NDUFAF5: variants seen among roughly 807,000 people sequenced by gnomAD.
The protein encoded by NDUFAF5 is NADH:ubiquinone oxidoreductase complex assembly factor 5.
NDUFAF5 carries 34 observed loss-of-function variants against 48.9 expected under a neutral mutation model. That is an observed-to-expected ratio of 0.70 (90% confidence interval 0.53 to 0.93). The LOEUF is 0.93. Among genes scored for constraint, NDUFAF5 ranks in the 40% least tolerant of loss-of-function variants. The pLI is 0.00. For synonymous variants in NDUFAF5, 153 were observed against 150.6 expected, an observed-to-expected ratio of 1.02 and a Z score of -0.12; for missense variants, 428 against 427.5, an observed-to-expected ratio of 1.00 and a Z score of -0.01.
rs922084229 is a variant in NDUFAF5, at chr20:13,809,032, G to A, written c.778+130G>A. ...GGCAGGCACTGGGCAAAGCACTAGG[G>A]ATCCATTGTTGAGGAGAAAGCAGAC... is the stretch of plus-strand genomic sequence containing the variant. On this transcript the variant is annotated intron_variant, in intron 8 of 10. Transcript: ENST00000378106. 22 of 691,864 alleles carry A rather than the reference G, an allele frequency of 3.2e-5. No homozygotes were observed. In the African/African-American group the frequency reaches 3.9e-4, roughly 12 times the overall value. 42.9% of individuals were successfully genotyped at this position (691,864 alleles called of 1,614,324 possible). A position where few individuals can be genotyped will look rare whatever the true frequency, so the allele number is the denominator to read the frequency against.
In NDUFAF5 at chr20:13,785,351, G is replaced by A. The variant is rs1796715186; in HGVS notation, c.222+61G>A. ...GACGCGGAGGCTTGTTTTCCTCTCC[G>A]CTAGTTCCGGCTAGGCCCCGAGCTC... On this transcript the variant is annotated intron_variant, in intron 1 of 10. Transcript: ENST00000378106. 7.2e-6 allele frequency: 10 copies of A among 1,394,268 alleles called. No homozygotes were observed. The South Asian group carries it at 1.1e-4, about 16-fold the overall frequency. The allele number at this position is 1,394,268 out of a possible 1,614,324, so 86.4% of individuals were successfully genotyped here. A position where few individuals can be genotyped will look rare whatever the true frequency, so the allele number is the denominator to read the frequency against.
Position 13,793,281 on chromosome 20 carries a change from A to G in NDUFAF5, c.375+54A>G. 2.9e-6 allele frequency: 4 copies of G among 1,389,248 alleles called. No homozygotes were observed. The South Asian group carries it at 3.6e-5, about 12-fold the overall frequency. 86.1% of individuals were successfully genotyped at this position (1,389,248 alleles called of 1,614,324 possible). On this transcript the variant is annotated intron_variant, in intron 4 of 10. Coordinates refer to ENST00000378106, the MANE Select transcript of NDUFAF5 (RefSeq NM_024120.5). ...CTAATCTCGTGATGTGTTTTCTCATATTTTATTTCTTTATTTTTATTTCCT... is the reference window on the plus strand; with the variant it reads ...CTAATCTCGTGATGTGTTTTCTCATGTTTTATTTCTTTATTTTTATTTCCT...
Position 13,785,321 on chromosome 20 carries a change from CG to C in NDUFAF5, c.222+34del, listed in dbSNP as rs766672617. On this transcript the variant is annotated intron_variant, in intron 1 of 10. Coordinates refer to ENST00000378106, the MANE Select transcript of NDUFAF5 (RefSeq NM_024120.5). ...CCCGCGGGGCGGCGGGGCGGCGGGG[CG>C]GGCGACGCGGAGGCTTGTTTTCCTC... The C allele has an allele frequency of 1.1e-3, 1,655 of 1,548,022 alleles. 2 individuals carry two copies. The highest frequency in any genetic ancestry group is 1.3e-3 in the Non-Finnish European group (1,490 of 1,136,744).
intron 7 of NDUFAF5, chr20:13,801,895 C>T (rs1250818209): frequency 4.0e-6 from 2 of 503,168 alleles, no homozygotes; most frequent in South Asian, 2.6e-5. Flanking sequence ...TAATTTTTTA[C>T]TGTTACCTTA....
intron 8 of NDUFAF5, among the ~76,000 whole-genome samples, chr20:13,813,434 A>G (rs1419846552): frequency 6.6e-6 from 1 of 152,224 alleles, no homozygotes; most frequent in Admixed American, 6.5e-5. Context: ...AAATAGATAT[A>G]ATCATTAACA....
intron 2 of NDUFAF5, among the ~76,000 whole-genome samples, chr20:13,787,570 C>T (rs951842751): frequency 8.5e-5 from 13 of 152,266 alleles, no homozygotes; most frequent in African/African-American, 2.9e-4. Context: ...AAGCACAACT[C>T]GTATCTATCT....
chr20:13,786,228 C>T (rs2147472243), intron 1 of NDUFAF5, among the ~76,000 whole-genome samples: 1 of 152,328 alleles, frequency 6.6e-6, no homozygotes, highest in Non-Finnish European at 1.5e-5. Context: ...TTGAGCAGAG[C>T]TCTGTGCAAG....
Position 13,785,139 on chromosome 20 carries a change from T to C in NDUFAF5, c.71T>C (p.Leu24Pro), listed in dbSNP as rs768652049. ...GCGGCGAGGGTCCCAGCGGAGAATCTTGGCCGTAGGGAAGTCACCTCTGGT... is the reference window on the plus strand; with the variant it reads ...GCGGCGAGGGTCCCAGCGGAGAATCCTGGCCGTAGGGAAGTCACCTCTGGT... ...PWAARVPAENLGRREVTSGVS... is the reference protein window; with the variant it reads ...PWAARVPAENPGRREVTSGVS... The change falls in exon 1 of 11, where the codon CTT becomes CCT. Residue 24 changes from leucine (L) to proline (P), a missense_variant. Transcript: ENST00000378106. 2 of 1,614,004 alleles carry C rather than the reference T, an allele frequency of 1.2e-6. No homozygotes were observed. The highest frequency in any genetic ancestry group is 1.7e-6 in the Non-Finnish European group (2 of 1,179,978).
chr20:13,812,188 C>T (rs375026005), intron 8 of NDUFAF5, among the ~76,000 whole-genome samples: 3 of 152,184 alleles, frequency 2.0e-5, no homozygotes, highest in African/African-American at 7.2e-5. Context: ...TTTGACCTAT[C>T]GTGCAGCCTC....
Position 13,785,301 on chromosome 20 carries a change from G to GGGGCGGCGGGGCGGCT in NDUFAF5, c.222+26_222+27insTGGGCGGCGGGGCGGC. The GGGGCGGCGGGGCGGCT allele has an allele frequency of 2.1e-6, 2 of 970,488 alleles. No individual in the cohort carries two copies. The highest frequency in any genetic ancestry group is 1.5e-6 in the Non-Finnish European group (1 of 670,190). The allele number at this position is 970,488 out of a possible 1,614,324, so 60.1% of individuals were successfully genotyped here. On this transcript the variant is annotated intron_variant, in intron 1 of 10. Coordinates refer to ENST00000378106, the MANE Select transcript of NDUFAF5 (RefSeq NM_024120.5). ...TACCTGAAGGAGGAGGTGAGCCCGC[G>GGGGCGGCGGGGCGGCT]GGGCGGCGGGGCGGCGGGGCGGGCG... is the stretch of plus-strand genomic sequence containing the variant.
Position 13,785,168 on chromosome 20 carries a change from T to C in NDUFAF5, c.100T>C (p.Ser34Pro). The C allele has an allele frequency of 1.2e-6, 2 of 1,613,882 alleles. No homozygotes were observed. The highest frequency in any genetic ancestry group is 1.7e-6 in the Non-Finnish European group (2 of 1,179,950). Residue 34 changes from serine (S) to proline (P), a missense_variant, in exon 1 of 11, where the codon TCT becomes CCT. Coordinates refer to ENST00000378106, the MANE Select transcript of NDUFAF5 (RefSeq NM_024120.5). ...CCGTAGGGAAGTCACCTCTGGTGTCTCTCCCCGCGGTAGCACCTCGCCCAG... is the reference window on the plus strand; with the variant it reads ...CCGTAGGGAAGTCACCTCTGGTGTCCCTCCCCGCGGTAGCACCTCGCCCAG... ...LGRREVTSGV[S>P]PRGSTSPRTL...
intron 7 of NDUFAF5, 106 bp downstream of exon 7, chr20:13,801,789 T>C: frequency 1.1e-6 from 1 of 944,848 alleles, no homozygotes; most frequent in South Asian, 1.5e-5. Context: ...ATGGCACTCT[T>C]TCTCTCCCTT....
At chr20:13,795,573 C>A (rs1983071872) in intron 5 of NDUFAF5, among the ~76,000 whole-genome samples, 1 of 152,010 alleles carries the variant, frequency 6.6e-6, no homozygotes, top group Non-Finnish European at 1.5e-5. Flanking sequence ...AATCCCAACA[C>A]TTTGGGAGGC....
chr20:13,801,736 C>G, intron 7 of NDUFAF5, 53 bp downstream of exon 7: 1 of 1,460,666 alleles, frequency 6.8e-7, no homozygotes, highest in Non-Finnish European at 9.6e-7. Context: ...AAAAGAACTT[C>G]TTATCATTTT....
chr20:13,815,860 A>G (rs562360592), intron 8 of NDUFAF5, among the ~76,000 whole-genome samples: 1 of 152,236 alleles, frequency 6.6e-6, no homozygotes, highest in Non-Finnish European at 1.5e-5. Flanking sequence ...GCTTTTCACC[A>G]TCAACTCGAA....
At chr20:13,804,621 T>A (rs1282592497) in intron 7 of NDUFAF5, among the ~76,000 whole-genome samples, 2 of 152,240 alleles carry the variant, frequency 1.3e-5, no homozygotes, top group African/African-American at 4.8e-5. Context: ...ACTTAACTAT[T>A]TACCTGTGAA....
At chr20:13,786,078 C>T (rs1249628366) in intron 1 of NDUFAF5, among the ~76,000 whole-genome samples, 1 of 152,188 alleles carries the variant, frequency 6.6e-6, no homozygotes. Context: ...ACCTTTCTCC[C>T]TGCCCAGGTG....
Position 13,819,343 on chromosome 20 carries a change from T to C in NDUFAF5, c.*2133T>C, listed in dbSNP as rs2147641686. On this transcript the variant is annotated 3_prime_UTR_variant, in exon 11 of 11. Transcript: ENST00000378106. ...AATGGTATATGATAAATAATCATCT[T>C]TTTTGTTGGTTTATTTTTTTATTTT... is the stretch of plus-strand genomic sequence containing the variant. 1 of 152,288 alleles carries C rather than the reference T, an allele frequency of 6.6e-6. No individual in the cohort carries two copies. The highest frequency in any genetic ancestry group is 2.4e-5 in the African/African-American group (1 of 41,580). The allele number at this position is 152,288 out of a possible 1,614,324, so 9.4% of individuals were successfully genotyped here.
rs113466654 is a variant in NDUFAF5, at chr20:13,801,892, T to A, written c.717+209T>A. On this transcript the variant is annotated intron_variant, in intron 7 of 10. Transcript: ENST00000378106. ...ACACAAGGTAGGAATGTATAATTTT[T>A]TACTGTTACCTTAAAAAGTAGCTCA... 620 of 513,240 alleles carry A rather than the reference T, an allele frequency of 1.2e-3. 5 individuals are homozygous for A. Among genetic ancestry groups the A allele is most frequent in the African/African-American group, 0.011 (565 of 51,836 alleles). 31.8% of individuals were successfully genotyped at this position (513,240 alleles called of 1,614,324 possible). A position where few individuals can be genotyped will look rare whatever the true frequency, so the allele number is the denominator to read the frequency against.
Sources: gnomAD v4.1 joint callset for allele counts (sites outside exome capture counted in the v4.1 genomes callset) on GRCh38, gnomAD v4.1.1 for gene constraint, MANE v1.5 for transcripts, NCBI Gene and HGNC (gene_info 2026-07-23, HGNC 2026-07-21) for gene names.